Variants in SLC9A9 observed in about 807,000 individuals in gnomAD.
SLC9A9 encodes sodium/hydrogen exchanger 9.
Under a neutral mutation model 77.8 loss-of-function variants are expected in SLC9A9, and 62 were observed. That is an observed-to-expected ratio of 0.80 (90% CI 0.65 to 0.98). The LOEUF (loss-of-function observed/expected upper bound fraction) is 0.98. Among genes scored for constraint, SLC9A9 ranks in the 50% least tolerant of loss-of-function variants. The pLI, the probability that SLC9A9 is intolerant of heterozygous loss-of-function variation, is 0.00. For synonymous variants in SLC9A9, 320 were observed against 283.5 expected, an observed-to-expected ratio of 1.13 and a Z score of -1.29; for missense variants, 775 against 774.9, an observed-to-expected ratio of 1.00 and a Z score of 0.00.
rs1447742 is a variant in SLC9A9 at position 143,737,675 on chromosome 3, C to A, written c.534-44368G>T. ...GTTTCTTCTAATGTGCTATCCTATA[C>A]TAATGTTTTATATGCAGCTACAGAA... On this transcript the variant is annotated intron_variant, in intron 4 of 15. Coordinates refer to ENST00000316549, the MANE Select transcript of SLC9A9 (RefSeq NM_173653.4). 2.6e-5 allele frequency among the ~76,000 whole-genome samples: 4 copies of A among 152,262 alleles called. No individual in the cohort carries two copies. The East Asian group carries it at 7.7e-4, about 29-fold the overall frequency.
Position 143,266,305 on chromosome 3 carries a change from CTTTTAT to C in SLC9A9, c.*391_*396del. On this transcript the variant is annotated 3_prime_UTR_variant, in exon 16 of 16. Coordinates refer to ENST00000316549, the MANE Select transcript of SLC9A9 (RefSeq NM_173653.4). ...CAAAATGTTTACTCTCAGAAGCTTT[CTTTTAT>C]TTTTAAACTCTCCTTAATGGAGGGA... is the stretch of plus-strand genomic sequence containing the variant. 1.7e-6 allele frequency: 1 copy of C among 580,058 alleles called. No individual in the cohort carries two copies. The highest frequency in any genetic ancestry group is 3.1e-6 in the Non-Finnish European group (1 of 326,930). The allele number at this position is 580,058 out of a possible 1,614,324, so 35.9% of individuals were successfully genotyped here.
intron 1 of SLC9A9, chr3:143,847,669 T>A (rs543874473): frequency 6.2e-6 from 1 of 161,486 alleles, no homozygotes; most frequent in East Asian, 1.7e-4. Context: ...CACAATATTC[T>A]CTTAAGAGGG....
chr3:143,752,310 G>T (rs2006748941), intron 4 of SLC9A9, among the ~76,000 whole-genome samples: 1 of 152,180 alleles, frequency 6.6e-6, no homozygotes, highest in Admixed American at 6.5e-5. Flanking sequence ...CATTCCACCT[G>T]TTTTGAATTC....
chr3:143,688,008 C>T (rs1016687318), intron 5 of SLC9A9, among the ~76,000 whole-genome samples: 1 of 151,818 alleles, frequency 6.6e-6, no homozygotes, highest in Non-Finnish European at 1.5e-5. Flanking sequence ...CTCCCTCTCT[C>T]CCTTCCTCTC....
chr3:143,793,643 C>A (rs2008285285), intron 4 of SLC9A9, among the ~76,000 whole-genome samples: 1 of 152,174 alleles, frequency 6.6e-6, no homozygotes, highest in South Asian at 2.1e-4. Flanking sequence ...AGGGTGAAGG[C>A]CTGCTGGATC....
chr3:143,824,157 C>G (rs973315941), intron 2 of SLC9A9, among the ~76,000 whole-genome samples: 1 of 152,148 alleles, frequency 6.6e-6, no homozygotes, highest in Admixed American at 6.6e-5. Flanking sequence ...TTCTAGATTT[C>G]CAATCCCTAT....
intron 12 of SLC9A9, among the ~76,000 whole-genome samples, chr3:143,391,160 GGGTC>G (rs1371919061): frequency 6.6e-6 from 1 of 152,214 alleles, no homozygotes; most frequent in African/African-American, 2.4e-5. Context: ...CTCCTCAAGT[GGGTC>G]CCTGACCCCT....
chr3:143,761,651 A>C (rs2007126260), intron 4 of SLC9A9, among the ~76,000 whole-genome samples: 1 of 152,246 alleles, frequency 6.6e-6, no homozygotes, highest in Non-Finnish European at 1.5e-5. Context: ...ATACCATCTC[A>C]TACCAGTTAG....
chr3:143,366,874 A>G lies in SLC9A9; in HGVS notation c.1525-3311T>C, dbSNP rs150000293. On this transcript the variant is annotated intron_variant, in intron 13 of 15. Transcript: ENST00000316549. The stretch of plus-strand genomic sequence containing the variant: ...AAACTAGTGCAAAAGGGGAAGTTAG[A>G]GCAATGGAATGCTCCTCCTGCAGGC... 9.7e-4 allele frequency among the ~76,000 whole-genome samples: 147 copies of G among 152,284 alleles called. 1 individual carries two copies. Among genetic ancestry groups the G allele is most frequent in the Non-Finnish European group, 1.8e-4 (12 of 68,024 alleles).
At chr3:143,578,506 G>T in intron 7 of SLC9A9, 79 bp downstream of exon 7, 1 of 1,602,854 alleles carries the variant, frequency 6.2e-7, no homozygotes, top group South Asian at 1.1e-5. Context: ...GGGCCTGGAG[G>T]TTGTCCATCA....
intron 6 of SLC9A9, 119 bp downstream of exon 6, chr3:143,652,136 A>G: frequency 2.5e-6 from 2 of 807,382 alleles, no homozygotes; most frequent in Non-Finnish European, 4.1e-6. Flanking sequence ...ATTTTCTGTG[A>G]TAACAATTCC....
intron 12 of SLC9A9, among the ~76,000 whole-genome samples, chr3:143,461,581 T>C (rs2035193079): frequency 6.6e-6 from 1 of 152,158 alleles, no homozygotes; most frequent in Admixed American, 6.5e-5. Context: ...ATTCCAATTT[T>C]ACAGATTAAG....
intron 11 of SLC9A9, among the ~76,000 whole-genome samples, chr3:143,486,132 C>T (rs147068826): frequency 3.0e-3 from 457 of 152,026 alleles, no homozygotes; most frequent in South Asian, 6.0e-3. Flanking sequence ...ATAGTCAAAA[C>T]GCTAAAAGAA....
intron 10 of SLC9A9, among the ~76,000 whole-genome samples, chr3:143,494,546 T>C (rs1257367687): frequency 6.6e-6 from 1 of 152,256 alleles, no homozygotes; most frequent in Non-Finnish European, 1.5e-5. Context: ...ACACAGTTTA[T>C]AGAGAGGGAT....
intron 14 of SLC9A9, among the ~76,000 whole-genome samples, chr3:143,298,018 A>G (rs1057418663): frequency 6.6e-6 from 1 of 152,214 alleles, no homozygotes; most frequent in Non-Finnish European, 1.5e-5. Context: ...AAAATCACCC[A>G]TGGAGGCCCT....
At chr3:143,314,998 T>A (rs2031157294) in intron 14 of SLC9A9, among the ~76,000 whole-genome samples, 1 of 152,224 alleles carries the variant, frequency 6.6e-6, no homozygotes, top group Non-Finnish European at 1.5e-5. Flanking sequence ...CATAAAATAC[T>A]GTTTGGTTTT....
chr3:143,666,460 A>G lies in SLC9A9; in HGVS notation c.650-14100T>C, dbSNP rs536935243. On this transcript the variant is annotated intron_variant, in intron 5 of 15. Coordinates refer to ENST00000316549, the MANE Select transcript of SLC9A9 (RefSeq NM_173653.4). ...TGCCCTCTCTCACCACTCCTATTCA[A>G]CATAGTGTTGGACGTTCTGGCAAAG... 2.6e-5 allele frequency among the ~76,000 whole-genome samples: 4 copies of G among 152,356 alleles called. No individual in the cohort carries two copies. The South Asian group carries it at 8.3e-4, about 32-fold the overall frequency.
At position 143,831,779 on chromosome 3, in the gene SLC9A9, A is replaced by G. The variant is rs112683210; in HGVS notation, c.378+240T>C. 3.2e-3 allele frequency among the ~76,000 whole-genome samples: 482 copies of G among 152,306 alleles called. 4 individuals are homozygous for G. Among genetic ancestry groups the G allele is most frequent in the African/African-American group, 0.011 (463 of 41,586 alleles). On this transcript the variant is annotated intron_variant, in intron 2 of 15. Coordinates refer to ENST00000316549, the MANE Select transcript of SLC9A9 (RefSeq NM_173653.4). ...CCAAATATAACTGTGGCTTGCAGAA[A>G]AACAAAAAAGAAAACCTTTCTTTCC...
intron 12 of SLC9A9, among the ~76,000 whole-genome samples, chr3:143,433,014 T>C (rs1242441031): frequency 6.6e-6 from 1 of 152,224 alleles, no homozygotes; most frequent in Non-Finnish European, 1.5e-5. Flanking sequence ...CAATCAGCCC[T>C]GGTGGTGTTT....
Sources: gnomAD v4.1 joint callset for allele counts (sites outside exome capture counted in the v4.1 genomes callset) on GRCh38, gnomAD v4.1.1 for gene constraint, MANE v1.5 for transcripts, NCBI Gene and HGNC (gene_info 2026-07-23, HGNC 2026-07-21) for gene names.